The following GABPA variants were observed in gnomAD, a reference collection of about 807,000 sequenced individuals.
GABPA encodes GA-binding protein alpha chain.
Under a neutral mutation model 59.4 loss-of-function variants are expected in GABPA, and 4 were observed. That is an observed-to-expected ratio of 0.07 (90% CI 0.03 to 0.15). The LOEUF (loss-of-function observed/expected upper bound fraction) is 0.15, where lower values mean the gene tolerates loss of function less well. Ranked by LOEUF, GABPA falls within the 10% of genes least tolerant of loss-of-function variation. The pLI is 1.00. For synonymous variants in GABPA, 164 were observed against 183.1 expected, an observed-to-expected ratio of 0.90 and a Z score of 0.84; for missense variants, 251 against 543.8, an observed-to-expected ratio of 0.46 and a Z score of 5.36.
chr21:25,741,166 C>T (rs961481580), intron 1 of GABPA, among the ~76,000 whole-genome samples: 5 of 152,084 alleles, frequency 3.3e-5, no homozygotes, highest in Admixed American at 1.3e-4. Context: ...GGTCTCTTGT[C>T]GCCCATACTG....
chr21:25,735,953 G>A lies in GABPA; in HGVS notation c.-27+375G>A, dbSNP rs145737210. 8.6e-3 allele frequency among the ~76,000 whole-genome samples: 1,305 copies of A among 152,220 alleles called. 20 individuals are homozygous for A. Among genetic ancestry groups the A allele is most frequent in the African/African-American group, 0.03 (1,249 of 41,538 alleles). Reference sequence around the variant, plus strand: ...GCTGGGATGTGGTCCTGACGCCCCCGAGATTTTAAGAGCAAAATGCAGACC... The same window carrying A: ...GCTGGGATGTGGTCCTGACGCCCCCAAGATTTTAAGAGCAAAATGCAGACC... On this transcript the variant is annotated intron_variant, in intron 1 of 9. Transcript: ENST00000400075.
chr21:25,735,868 C>T (rs919984093), intron 1 of GABPA, among the ~76,000 whole-genome samples: 5 of 152,106 alleles, frequency 3.3e-5, no homozygotes, highest in Admixed American at 6.5e-5. Context: ...TGTCGCCGCT[C>T]CCTCCTTTCC....
chr21:25,763,180 A>G (rs1030313232), intron 7 of GABPA: 1 of 519,942 alleles, frequency 1.9e-6, no homozygotes. Context: ...GGGTTTGGGT[A>G]CCACCACAGT....
intron 2 of GABPA, among the ~76,000 whole-genome samples, chr21:25,742,377 A>AG (rs397867376): frequency 9.0e-3 from 2 of 222 alleles, no homozygotes; most frequent in Admixed American, 0.045. Context: ...AGTACTAGAG[A>AG]TCTCTGTGGA....
intron 5 of GABPA, among the ~76,000 whole-genome samples, chr21:25,753,461 T>C (rs1422492196): frequency 2.0e-5 from 3 of 152,144 alleles, no homozygotes; most frequent in African/African-American, 7.2e-5. Context: ...CATTTAGGGT[T>C]GGAGAAAAGG....
chr21:25,742,665 A>G (rs2035250867), intron 2 of GABPA, among the ~76,000 whole-genome samples: 1 of 151,968 alleles, frequency 6.6e-6, no homozygotes, highest in Admixed American at 6.6e-5. Flanking sequence ...TGTAGTCCCA[A>G]CAGTTTGGGA....
At chr21:25,742,181 A>G (rs768164196) in intron 2 of GABPA, among the ~76,000 whole-genome samples, 6 of 152,238 alleles carry the variant, frequency 3.9e-5, no homozygotes, top group Non-Finnish European at 7.3e-5. Flanking sequence ...TTCTTGGAAT[A>G]ATAGTGGAAT....
chr21:25,743,913 G>A (rs1382346712), intron 2 of GABPA, among the ~76,000 whole-genome samples: 1 of 151,800 alleles, frequency 6.6e-6, no homozygotes, highest in Non-Finnish European at 1.5e-5. Context: ...GCATGGTGGC[G>A]CATGCCTGTA....
intron 9 of GABPA, among the ~76,000 whole-genome samples, chr21:25,767,186 G>C (rs1014565831): frequency 5.9e-5 from 9 of 151,918 alleles, no homozygotes; most frequent in Non-Finnish European, 1.0e-4. Flanking sequence ...AGGATTTGGG[G>C]AGTGATTGGG....
chr21:25,761,705 G>A (rs2035770014), intron 6 of GABPA, among the ~76,000 whole-genome samples: 1 of 152,198 alleles, frequency 6.6e-6, no homozygotes, highest in Non-Finnish European at 1.5e-5. Flanking sequence ...CAACAGATAA[G>A]TAATGAATGG....
In GABPA at chr21:25,735,049, A is replaced by T; in HGVS notation, c.-556A>T. ...GACGGGTCTAGGTGAGACAGAAGCC[A>T]AACAGGAGGAGGAAGTGGAGGGTAA... is the stretch of plus-strand genomic sequence containing the variant. On this transcript the variant is annotated 5_prime_UTR_variant, in exon 1 of 10. Coordinates refer to ENST00000400075, the MANE Select transcript of GABPA (RefSeq NM_002040.4). 7.6e-7 allele frequency: 1 copy of T among 1,315,236 alleles called. No individual in the cohort carries two copies. Among genetic ancestry groups the T allele is most frequent in the Non-Finnish European group, 1.1e-6 (1 of 941,682 alleles). The allele number at this position is 1,315,236 out of a possible 1,614,324, so 81.5% of individuals were successfully genotyped here.
At chr21:25,764,430 T>C (rs779118065) in intron 8 of GABPA, 80 bp downstream of exon 8, 6 of 1,462,078 alleles carry the variant, frequency 4.1e-6, no homozygotes, top group Non-Finnish European at 5.5e-6. Context: ...GTATGAAAAA[T>C]GTGAATTTGG....
intron 4 of GABPA, among the ~76,000 whole-genome samples, chr21:25,750,752 AAATT>A (rs2123523799): frequency 6.6e-6 from 1 of 152,188 alleles, no homozygotes; most frequent in Non-Finnish European, 1.5e-5. Context: ...AATAGGAAAT[AAATT>A]AGTAGTTTTT....
chr21:25,761,961 A>G (rs910257607), intron 6 of GABPA, among the ~76,000 whole-genome samples: 5 of 152,146 alleles, frequency 3.3e-5, no homozygotes, highest in Non-Finnish European at 5.9e-5. Context: ...ATTTTGGTGT[A>G]TATTTTATCT....
chr21:25,740,537 G>A (rs1346156607), intron 1 of GABPA, among the ~76,000 whole-genome samples: 1 of 152,150 alleles, frequency 6.6e-6, no homozygotes, highest in African/African-American at 2.4e-5. Context: ...CCTCAGACAT[G>A]TCCACAAAGA....
chr21:25,741,714 C>A, intron 2 of GABPA, 39 bp downstream of exon 2: 1 of 1,288,670 alleles, frequency 7.8e-7, no homozygotes, highest in Non-Finnish European at 1.1e-6. Flanking sequence ...TTCAAAATAT[C>A]AATATACCTA....
chr21:25,767,714 G>C (rs1483824760), intron 9 of GABPA, among the ~76,000 whole-genome samples: 2 of 152,030 alleles, frequency 1.3e-5, no homozygotes, highest in Non-Finnish European at 2.9e-5. Context: ...TGGATGGCAA[G>C]GAATTGTTGG....
intron 9 of GABPA, among the ~76,000 whole-genome samples, chr21:25,765,195 C>A (rs2035861715): frequency 6.6e-6 from 1 of 152,008 alleles, no homozygotes; most frequent in Admixed American, 6.6e-5. Flanking sequence ...CCAATCTTTA[C>A]ATTGATACAA....
rs772545579 is a variant in GABPA at position 25,762,356 on chromosome 21, A to G, written c.793A>G (p.Ile265Val). The change falls in exon 7 of 10, where the codon ATT becomes GTT. Residue 265 changes from isoleucine to valine, a missense_variant. Ile to Val is a conservative substitution (Grantham distance 29). Around this residue, in one of 4 missense-constraint regions of GABPA, gnomAD observed 207 missense variants for 366.7 expected, o/e 0.56. Transcript: ENST00000400075. ...QEQQMNEIVTIDQPVQIIPAS... is the reference protein window; with the variant it reads ...QEQQMNEIVTVDQPVQIIPAS... ...ACAACAGATGAATGAAATAGTTACA[A>G]TTGATCAACGTGAGTATTTGTACCT... 9.5e-6 allele frequency: 15 copies of G among 1,576,808 alleles called. No homozygotes were observed. The highest frequency in any genetic ancestry group is 4.5e-5 in the East Asian group (2 of 44,176).
Sources: allele counts gnomAD v4.1 joint callset (sites outside exome capture counted in the v4.1 genomes callset), GRCh38; gene constraint gnomAD v4.1.1; regional missense constraint gnomAD v4.1.1; transcripts MANE v1.5; gene names NCBI Gene and HGNC (gene_info 2026-07-23, HGNC 2026-07-21).